Variants in MYO10 observed in about 807,000 individuals in gnomAD.
The protein encoded by MYO10 is unconventional myosin-X.
A neutral mutation model predicts 257.3 loss-of-function variants in MYO10; 133 were observed. That is an observed-to-expected ratio of 0.52 (90% CI 0.45 to 0.60). The LOEUF is 0.60. Among genes scored for constraint, MYO10 ranks in the 20% least tolerant of loss-of-function variants. The pLI is 0.00. For synonymous variants in MYO10, 1,104 were observed against 1,028.6 expected (o/e 1.07, Z -1.40); for missense variants, 2,399 against 2,635.7 (o/e 0.91, Z 1.97).
chr5:16,800,862 A>C (rs751666581), intron 3 of MYO10, among the ~76,000 whole-genome samples: 2 of 152,274 alleles, frequency 1.3e-5, no homozygotes, highest in Middle Eastern at 3.4e-3. Flanking sequence ...TGCGTGGTTA[A>C]CGTAACAGAA....
intron 19 of MYO10, among the ~76,000 whole-genome samples, chr5:16,711,592 G>A (rs1738622470): frequency 6.6e-6 from 1 of 152,036 alleles, no homozygotes; most frequent in African/African-American, 2.4e-5. Flanking sequence ...GACCAGCCTG[G>A]CCAATATGGT....
Position 16,929,861 on chromosome 5 carries a change from G to A in MYO10, c.21+5927C>T, listed in dbSNP as rs545663581. Among the ~76,000 whole-genome samples the A allele has an allele frequency of 1.3e-4, 20 of 152,204 alleles. No homozygotes were observed. The South Asian group carries it at 4.1e-3, about 32-fold the overall frequency. On this transcript the variant is annotated intron_variant, in intron 1 of 40. Transcript: ENST00000513610. ...AGAACCCACAGATACTGAGTACAGG[G>A]CTGACTGTACTCAAGAAACACTAGC...
chr5:16,849,531 A>G (rs1743738884), intron 2 of MYO10, among the ~76,000 whole-genome samples: 1 of 152,114 alleles, frequency 6.6e-6, no homozygotes, highest in Non-Finnish European at 1.5e-5. Context: ...ATTCCACAAC[A>G]TTTTCCCATA....
chr5:16,902,895 C>T (rs1405877024), intron 1 of MYO10, among the ~76,000 whole-genome samples: 2 of 152,190 alleles, frequency 1.3e-5, no homozygotes, highest in African/African-American at 2.4e-5. Context: ...ATTTAGCCCT[C>T]GTGGCTGACA....
intron 34 of MYO10, among the ~76,000 whole-genome samples, chr5:16,675,674 G>A (rs1736690743): frequency 6.6e-6 from 1 of 152,142 alleles, no homozygotes. Context: ...GGAGGCAGAT[G>A]TTGCAGTGAA....
At chr5:16,925,595 A>G (rs1054655065) in intron 1 of MYO10, among the ~76,000 whole-genome samples, 1 of 152,118 alleles carries the variant, frequency 6.6e-6, no homozygotes, top group Non-Finnish European at 1.5e-5. Context: ...TATTTTTAGT[A>G]GAGATGAGGT....
intron 19 of MYO10, among the ~76,000 whole-genome samples, chr5:16,736,493 G>A (rs913588216): frequency 6.6e-6 from 1 of 152,164 alleles, no homozygotes; most frequent in African/African-American, 2.4e-5. Flanking sequence ...CTCACAGGCT[G>A]TGTTAGAAGC....
chr5:16,851,809 T>A (rs1010766363), intron 2 of MYO10, among the ~76,000 whole-genome samples: 3 of 152,004 alleles, frequency 2.0e-5, no homozygotes, highest in Non-Finnish European at 4.4e-5. Flanking sequence ...TCCCAGCACT[T>A]TGGGAGGCCA....
chr5:16,886,749 T>C (rs1016407116), intron 1 of MYO10, among the ~76,000 whole-genome samples: 3 of 151,948 alleles, frequency 2.0e-5, no homozygotes, highest in Non-Finnish European at 1.5e-5. Context: ...CTGGTCAACA[T>C]GGTGAAACCC....
intron 9 of MYO10, among the ~76,000 whole-genome samples, chr5:16,773,537 C>T (rs1248509504): frequency 6.6e-6 from 1 of 151,878 alleles, no homozygotes; most frequent in Non-Finnish European, 1.5e-5. Flanking sequence ...TGGCATACAC[C>T]TGTACTCCCA....
chr5:16,908,822 T>C lies in MYO10; in HGVS notation c.21+26966A>G, dbSNP rs1007259685. 3.3e-5 allele frequency among the ~76,000 whole-genome samples: 5 copies of C among 152,238 alleles called. 1 individual carries two copies. The South Asian group carries it at 6.2e-4, about 19-fold the overall frequency. ...GAATGTACTGATGCATGCTACAACA[T>C]AGATGAATCTTGAAGACATTATGCC... On this transcript the variant is annotated intron_variant, in intron 1 of 40. Transcript: ENST00000513610.
At chr5:16,796,469 A>AAGG (rs1741971419) in intron 3 of MYO10, among the ~76,000 whole-genome samples, 3 of 120,872 alleles carry the variant, frequency 2.5e-5, no homozygotes, top group Non-Finnish European at 4.9e-5. Context: ...AGAAAGAAAG[A>AAGG]AAAGAAAAGA....
At chr5:16,888,159 T>C (rs1313712166) in intron 1 of MYO10, among the ~76,000 whole-genome samples, 1 of 152,072 alleles carries the variant, frequency 6.6e-6, no homozygotes, top group African/African-American at 2.4e-5. Flanking sequence ...AGTCCATCCT[T>C]CCACCAAATA....
At chr5:16,810,501 C>A (rs1347002599) in intron 3 of MYO10, among the ~76,000 whole-genome samples, 1 of 152,152 alleles carries the variant, frequency 6.6e-6, no homozygotes, top group Admixed American at 6.6e-5. Flanking sequence ...CTTTCAGAAA[C>A]CTTTAAACAG....
At chr5:16,887,939 TGA>T (rs1744938913) in intron 1 of MYO10, among the ~76,000 whole-genome samples, 1 of 152,224 alleles carries the variant, frequency 6.6e-6, no homozygotes, top group Non-Finnish European at 1.5e-5. Flanking sequence ...TCCAAATTGC[TGA>T]GAGTACCTCA....
intron 1 of MYO10, among the ~76,000 whole-genome samples, chr5:16,886,259 G>A (rs956949538): frequency 6.6e-6 from 1 of 152,198 alleles, no homozygotes; most frequent in African/African-American, 2.4e-5. Context: ...AGTCTCAAGA[G>A]AGAAACTTGG....
At chr5:16,739,172 G>C (rs1739922579) in intron 19 of MYO10, among the ~76,000 whole-genome samples, 1 of 149,006 alleles carries the variant, frequency 6.7e-6, no homozygotes, top group African/African-American at 2.5e-5. Context: ...ACTCCAGCCT[G>C]GGCAACATAA....
intron 2 of MYO10, among the ~76,000 whole-genome samples, chr5:16,852,575 G>C (rs749449446): frequency 6.6e-6 from 1 of 151,612 alleles, no homozygotes; most frequent in Non-Finnish European, 1.5e-5. Flanking sequence ...GACTACTCAA[G>C]GGTTCGTCTG....
At chr5:16,805,805 T>G (rs753011814) in intron 3 of MYO10, among the ~76,000 whole-genome samples, 14 of 152,286 alleles carry the variant, frequency 9.2e-5, no homozygotes, top group Non-Finnish European at 1.8e-4. Flanking sequence ...CCAAAATACA[T>G]TCCCTTGCCC....
Sources: allele counts gnomAD v4.1 joint callset (sites outside exome capture counted in the v4.1 genomes callset), GRCh38; gene constraint gnomAD v4.1.1; transcripts MANE v1.5; gene names NCBI Gene and HGNC (gene_info 2026-07-23, HGNC 2026-07-21).